The following ULK4 variants were observed in gnomAD, a reference collection of about 807,000 sequenced individuals.
ULK4 encodes the protein unc-51 like kinase 4.
A neutral mutation model predicts 160.6 loss-of-function variants in ULK4; 133 were observed. That is an observed-to-expected ratio of 0.83 (90% CI 0.72 to 0.96). ULK4 has a LOEUF of 0.96. ULK4 is among the 40% of genes least tolerant of loss of function. The probability of loss-of-function intolerance (pLI) is 0.00; values close to 1 mark genes in which losing one functional copy is unlikely to be tolerated. For missense variants in ULK4, 1,580 were observed against 1,499.5 expected (o/e 1.05, Z -0.89); for synonymous variants, 534 against 539.8 (o/e 0.99, Z 0.15).
intron 2 of ULK4, among the ~76,000 whole-genome samples, chr3:41,938,576 G>A (rs1187314636): frequency 6.6e-6 from 1 of 152,126 alleles, no homozygotes; most frequent in Non-Finnish European, 1.5e-5. Context: ...GAGCTACTCA[G>A]GAGACTAAGG....
intron 31 of ULK4, among the ~76,000 whole-genome samples, chr3:41,585,577 CAT>C (rs1387690951): frequency 6.6e-6 from 1 of 152,026 alleles, no homozygotes; most frequent in Admixed American, 6.5e-5. Context: ...TAGAAGAAAA[CAT>C]AGAGGAAAGC....
At chr3:41,648,246 C>T (rs536471870) in intron 30 of ULK4, among the ~76,000 whole-genome samples, 144 of 152,270 alleles carry the variant, frequency 9.5e-4, no homozygotes, top group Admixed American at 2.0e-3. Context: ...GAGATGAACC[C>T]GGTACCTCAG....
chr3:41,631,443 TAA>T (rs1389889202), intron 30 of ULK4, among the ~76,000 whole-genome samples: 1 of 152,202 alleles, frequency 6.6e-6, no homozygotes, highest in Non-Finnish European at 1.5e-5. Flanking sequence ...GTCTTAGAAT[TAA>T]GTTAGAATAT....
At chr3:41,543,692 G>A (rs2086766863) in intron 32 of ULK4, among the ~76,000 whole-genome samples, 1 of 151,588 alleles carries the variant, frequency 6.6e-6, no homozygotes, top group African/African-American at 2.4e-5. Context: ...TAATTTATTG[G>A]CATACATTTT....
chr3:41,391,533 C>G (rs28723499), intron 35 of ULK4, among the ~76,000 whole-genome samples: 25,810 of 151,562 alleles, frequency 0.17, 2,349 homozygotes, highest in Admixed American at 0.21. Context: ...ACTTTTCTAT[C>G]TAGTAGAAAG....
At chr3:41,901,770 C>T (rs372010796) in intron 12 of ULK4, among the ~76,000 whole-genome samples, 36 of 151,968 alleles carry the variant, frequency 2.4e-4, no homozygotes, top group African/African-American at 8.0e-4. Context: ...GTGAGCCACG[C>T]GCCTGACCAA....
intron 11 of ULK4, among the ~76,000 whole-genome samples, chr3:41,908,493 T>A (rs190559022): frequency 9.6e-4 from 146 of 152,216 alleles, no homozygotes; most frequent in Non-Finnish European, 1.8e-3. Context: ...TCACCCAGGC[T>A]AGAGTGCAGT....
intron 21 of ULK4, among the ~76,000 whole-genome samples, chr3:41,756,550 G>C (rs2125900750): frequency 6.6e-6 from 1 of 152,202 alleles, no homozygotes; most frequent in Middle Eastern, 3.4e-3. Context: ...TGAGAACATT[G>C]AACAAAGGAA....
chr3:41,275,230 G>C lies in ULK4; in HGVS notation c.3679-25656C>G, dbSNP rs148185098. Among the ~76,000 whole-genome samples the C allele has an allele frequency of 3.3e-4, 51 of 152,296 alleles. No homozygotes were observed. In the East Asian group the frequency reaches 9.5e-3, roughly 28 times the overall value. On this transcript the variant is annotated intron_variant, in intron 35 of 36. Transcript: ENST00000301831. ...CTACTTGGGCTTTGGGGATCCTCTG[G>C]ATCAGTGATCCATTACTACAGAGGA... is the stretch of plus-strand genomic sequence containing the variant.
At chr3:41,586,652 T>G (rs980711233) in intron 31 of ULK4, among the ~76,000 whole-genome samples, 1 of 152,112 alleles carries the variant, frequency 6.6e-6, no homozygotes, top group Non-Finnish European at 1.5e-5. Context: ...TGTTATGTGG[T>G]TTTTGCCACA....
chr3:41,631,717 G>A (rs1275904253), intron 30 of ULK4, among the ~76,000 whole-genome samples: 1 of 152,008 alleles, frequency 6.6e-6, no homozygotes, highest in Non-Finnish European at 1.5e-5. Flanking sequence ...GCCATGGAGT[G>A]TTTCGACCAC....
chr3:41,917,550 A>G (rs948815044), intron 7 of ULK4, among the ~76,000 whole-genome samples: 9 of 152,166 alleles, frequency 5.9e-5, no homozygotes, highest in Middle Eastern at 3.2e-3. Context: ...AACAATGTAT[A>G]GCAAAATGTT....
At chr3:41,933,755 T>C (rs1035115568) in intron 4 of ULK4, among the ~76,000 whole-genome samples, 2 of 146,532 alleles carry the variant, frequency 1.4e-5, no homozygotes, top group African/African-American at 5.0e-5. Flanking sequence ...AAAAAAAAAA[T>C]AATGTGGTTT....
chr3:41,907,965 A>C (rs1228431442), intron 11 of ULK4, 24 bp from the exon 12 acceptor site: 16 of 1,528,772 alleles, frequency 1.0e-5, no homozygotes, highest in Non-Finnish European at 1.4e-5. Context: ...ACCAGTTAAC[A>C]TTATTCAATT....
At chr3:41,578,387 G>A (rs2088271711) in intron 31 of ULK4, among the ~76,000 whole-genome samples, 1 of 152,110 alleles carries the variant, frequency 6.6e-6, no homozygotes, top group Non-Finnish European at 1.5e-5. Flanking sequence ...CCTTTTCTTA[G>A]ACTCTACTTA....
chr3:41,700,103 T>C (rs1019736023), intron 27 of ULK4, among the ~76,000 whole-genome samples: 1 of 152,174 alleles, frequency 6.6e-6, no homozygotes, highest in African/African-American at 2.4e-5. Context: ...CTAGTTATAG[T>C]GGGTACTGTT....
intron 35 of ULK4, among the ~76,000 whole-genome samples, chr3:41,348,502 G>A (rs2080849119): frequency 6.6e-6 from 1 of 152,150 alleles, no homozygotes; most frequent in Admixed American, 6.5e-5. Context: ...GAGGAGGGAT[G>A]GGGGCCAGAG....
chr3:41,942,378 G>T (rs966319267), intron 2 of ULK4, among the ~76,000 whole-genome samples: 52 of 151,832 alleles, frequency 3.4e-4, no homozygotes, highest in African/African-American at 1.3e-3. Flanking sequence ...AATTAGGCAG[G>T]CATGGTGGTG....
At chr3:41,632,959 G>A (rs1268290766) in intron 30 of ULK4, among the ~76,000 whole-genome samples, 2 of 152,164 alleles carry the variant, frequency 1.3e-5, no homozygotes, top group Admixed American at 1.3e-4. Context: ...CATGAGGGAA[G>A]GGTGGACAGA....
Sources: allele counts gnomAD v4.1 joint callset (sites outside exome capture counted in the v4.1 genomes callset), GRCh38; gene constraint gnomAD v4.1.1; transcripts MANE v1.5; gene names NCBI Gene and HGNC (gene_info 2026-07-23, HGNC 2026-07-21).